CDYL2: variants seen among roughly 807,000 people sequenced by gnomAD.
CDYL2 encodes the protein chromodomain Y like 2.
Under a neutral mutation model 49.4 loss-of-function variants are expected in CDYL2, and 23 were observed. That is an observed-to-expected ratio of 0.47 (90% CI 0.34 to 0.66). CDYL2 has a LOEUF of 0.66. Among genes scored for constraint, CDYL2 ranks in the 30% least tolerant of loss-of-function variants. CDYL2 has a pLI of 0.01. For missense variants in CDYL2, 678 were observed against 656.4 expected, an observed-to-expected ratio of 1.03 and a Z score of -0.36; for synonymous variants, 360 against 268.8, an observed-to-expected ratio of 1.34 and a Z score of -3.32.
intron 1 of CDYL2, among the ~76,000 whole-genome samples, chr16:80,746,842 T>C (rs551647722): frequency 1.1e-4 from 16 of 152,048 alleles, no homozygotes; most frequent in Admixed American, 7.2e-4. Context: ...CTTAAAAAAC[T>C]GAGCAGACTT....
At chr16:80,753,374 C>A (rs1313639652) in intron 1 of CDYL2, among the ~76,000 whole-genome samples, 1 of 152,042 alleles carries the variant, frequency 6.6e-6, no homozygotes, top group Non-Finnish European at 1.5e-5. Flanking sequence ...TTTGGTAGGG[C>A]GAGGTGGGCG....
chr16:80,728,322 C>T (rs575463516), intron 1 of CDYL2, among the ~76,000 whole-genome samples: 29 of 151,934 alleles, frequency 1.9e-4, no homozygotes, highest in Non-Finnish European at 3.1e-4. Context: ...GGAGCCGATG[C>T]GATCAACTGG....
chr16:80,714,001 C>T (rs185013111), intron 1 of CDYL2, among the ~76,000 whole-genome samples: 7 of 152,204 alleles, frequency 4.6e-5, no homozygotes, highest in Non-Finnish European at 7.4e-5. Context: ...GCAGAGGTGC[C>T]GAACATTGTG....
At chr16:80,679,960 G>A (rs935787042) in intron 2 of CDYL2, among the ~76,000 whole-genome samples, 3 of 152,152 alleles carry the variant, frequency 2.0e-5, no homozygotes, top group South Asian at 2.1e-4. Context: ...TTCTGACGCC[G>A]GATCCATGTT....
intron 1 of CDYL2, among the ~76,000 whole-genome samples, chr16:80,693,832 A>C (rs1019700979): frequency 6.6e-6 from 1 of 151,542 alleles, no homozygotes; most frequent in African/African-American, 2.4e-5. Context: ...ACGCACTTTT[A>C]AAAAAAAATC....
chr16:80,741,210 A>G (rs925089514), intron 1 of CDYL2, among the ~76,000 whole-genome samples: 1 of 150,858 alleles, frequency 6.6e-6, no homozygotes, highest in Non-Finnish European at 1.5e-5. Flanking sequence ...AGAATTTTAT[A>G]TATAATAAAA....
At chr16:80,804,059 G>A (rs1908019025) in intron 1 of CDYL2, 91 bp downstream of exon 1, 2 of 862,062 alleles carry the variant, frequency 2.3e-6, no homozygotes, top group Non-Finnish European at 2.8e-6. Context: ...ATTGCGCCCG[G>A]CCCCGGCCCC....
intron 1 of CDYL2, chr16:80,736,394 T>A (rs1219794273): frequency 6.6e-6 from 1 of 152,248 alleles, no homozygotes; most frequent in Non-Finnish European, 1.5e-5. Flanking sequence ...AAGCACTTAT[T>A]TTCAAGTTAC....
intron 1 of CDYL2, among the ~76,000 whole-genome samples, chr16:80,789,308 G>A (rs1202051095): frequency 1.3e-5 from 2 of 152,048 alleles, no homozygotes; most frequent in Non-Finnish European, 2.9e-5. Context: ...TTATATTAAA[G>A]AGACACCTGC....
At chr16:80,629,773 T>A (rs1041270339) in intron 3 of CDYL2, among the ~76,000 whole-genome samples, 2 of 152,202 alleles carry the variant, frequency 1.3e-5, no homozygotes, top group Non-Finnish European at 2.9e-5. Flanking sequence ...AGCAACTTAA[T>A]TATAACCATG....
intron 1 of CDYL2, among the ~76,000 whole-genome samples, chr16:80,801,315 T>C (rs1286252813): frequency 1.3e-5 from 2 of 152,244 alleles, no homozygotes; most frequent in African/African-American, 4.8e-5. Context: ...TGAGCTTGAT[T>C]TCTTATTTCT....
chr16:80,609,701 C>T (rs1906509224), intron 5 of CDYL2, among the ~76,000 whole-genome samples: 1 of 152,158 alleles, frequency 6.6e-6, no homozygotes, highest in African/African-American at 2.4e-5. Flanking sequence ...GGCCCCCATT[C>T]ATACGGAAAG....
At chr16:80,771,573 T>A (rs1385341857) in intron 1 of CDYL2, among the ~76,000 whole-genome samples, 2 of 152,058 alleles carry the variant, frequency 1.3e-5, no homozygotes, top group East Asian at 3.9e-4. Context: ...GGTGTGGTGG[T>A]GCGCACCTGT....
At chr16:80,684,463 T>A in intron 2 of CDYL2, 75 bp downstream of exon 2, 3 of 1,385,282 alleles carry the variant, frequency 2.2e-6, no homozygotes, top group Non-Finnish European at 3.0e-6. Context: ...GTCTTATGTA[T>A]GTCCCTAGGC....
chr16:80,778,957 A>T (rs116959409), intron 1 of CDYL2, among the ~76,000 whole-genome samples: 1 of 152,222 alleles, frequency 6.6e-6, no homozygotes, highest in Non-Finnish European at 1.5e-5. Flanking sequence ...TACTTCACAT[A>T]ATACAGCAAA....
At chr16:80,657,490 A>G (rs993858705) in intron 2 of CDYL2, among the ~76,000 whole-genome samples, 1 of 152,208 alleles carries the variant, frequency 6.6e-6, no homozygotes, top group Non-Finnish European at 1.5e-5. Flanking sequence ...AACAATCCAC[A>G]GCATTACACA....
At chr16:80,645,034 C>T (rs1908273111) in intron 2 of CDYL2, among the ~76,000 whole-genome samples, 1 of 152,114 alleles carries the variant, frequency 6.6e-6, no homozygotes, top group Non-Finnish European at 1.5e-5. Context: ...ACCATAAAAA[C>T]CCTAGAAGAA....
intron 1 of CDYL2, among the ~76,000 whole-genome samples, chr16:80,696,850 G>T (rs1910632043): frequency 6.6e-6 from 1 of 152,076 alleles, no homozygotes; most frequent in South Asian, 2.1e-4. Context: ...GAAGAGGAGG[G>T]CCCAGGCATG....
chr16:80,660,499 A>C (rs1280964348), intron 2 of CDYL2, among the ~76,000 whole-genome samples: 2 of 152,162 alleles, frequency 1.3e-5, no homozygotes, highest in African/African-American at 2.4e-5. Flanking sequence ...AGGAGAAGGA[A>C]TGTATAAAAT....
Sources: allele counts gnomAD v4.1 joint callset (sites outside exome capture counted in the v4.1 genomes callset), GRCh38; gene constraint gnomAD v4.1.1; transcripts MANE v1.5; gene names NCBI Gene and HGNC (gene_info 2026-07-23, HGNC 2026-07-21).